Variants in SDSL observed in about 807,000 individuals in gnomAD.
SDSL encodes serine dehydratase-like.
A neutral mutation model predicts 27.6 loss-of-function variants in SDSL; 26 were observed. That is an observed-to-expected ratio of 0.94 (90% confidence interval 0.69 to 1.31). The LOEUF (loss-of-function observed/expected upper bound fraction) is 1.31, where lower values mean the gene tolerates loss of function less well. SDSL is among the 50% of genes most tolerant of loss of function. The pLI is 0.00. For missense variants in SDSL, 431 were observed against 423.5 expected, an observed-to-expected ratio of 1.02 and a Z score of -0.16; for synonymous variants, 196 against 180.6, an observed-to-expected ratio of 1.09 and a Z score of -0.69.
Position 113,435,540 on chromosome 12 carries a change from C to G in SDSL, c.655C>G (p.Leu219Val). The G allele has an allele frequency of 6.2e-7, 1 of 1,613,398 alleles. No individual in the cohort carries two copies. Among genetic ancestry groups the G allele is most frequent in the Non-Finnish European group, 8.5e-7 (1 of 1,179,566 alleles). Residue 219 changes from leucine (L) to valine (V), a missense_variant, in exon 6 of 8, where the codon CTT (leucine) becomes GTT (valine). Coordinates refer to ENST00000403593, the MANE Select transcript of SDSL (RefSeq NM_001304993.2). ...AAITAGKLVT[L>V]PDITSVAKSL... ...CATCACAGCCGGCAAGCTGGTCACA[C>G]TTCCAGACATCACCAGGTGGGTAAG...
At chr12:113,427,500 A>C (rs1382707290) in intron 1 of SDSL, among the ~76,000 whole-genome samples, 1 of 152,202 alleles carries the variant, frequency 6.6e-6, no homozygotes, top group Non-Finnish European at 1.5e-5. Flanking sequence ...CTCCTGAGAG[A>C]TGTCTTTCAT....
chr12:113,430,303 A>C (rs565043121), intron 4 of SDSL, among the ~76,000 whole-genome samples: 1 of 152,370 alleles, frequency 6.6e-6, no homozygotes, highest in Non-Finnish European at 1.5e-5. Context: ...ACAAAGTGTG[A>C]AAAGTGTTGC....
intron 1 of SDSL, 31 bp from the exon 2 acceptor site, chr12:113,427,931 G>C (rs1457996995): frequency 1.3e-6 from 2 of 1,563,992 alleles, no homozygotes; most frequent in Non-Finnish European, 1.7e-6. Context: ...GATGGGGACT[G>C]CCTGGGTGGT....
chr12:113,436,674 G>A (rs1957998640), intron 6 of SDSL, 77 bp from the exon 7 acceptor site: 5 of 1,409,652 alleles, frequency 3.5e-6, no homozygotes, highest in Non-Finnish European at 4.7e-6. Flanking sequence ...GGGGTGGCTG[G>A]GGCTGGGGAG....
intron 4 of SDSL, 43 bp downstream of exon 4, chr12:113,429,342 C>T (rs1957891394): frequency 6.4e-7 from 1 of 1,573,578 alleles, no homozygotes; most frequent in African/African-American, 1.3e-5. Flanking sequence ...GTGGGCTGCT[C>T]TCCTTCACCT....
At position 113,435,477 on chromosome 12, in the gene SDSL, G is replaced by A; in HGVS notation, c.592G>A (p.Ala198Thr). The A allele has an allele frequency of 9.3e-6, 15 of 1,614,178 alleles. No individual in the cohort carries two copies. The highest frequency in any genetic ancestry group is 1.3e-5 in the Non-Finnish European group (15 of 1,180,028). Residue 198 changes from alanine to threonine, a missense_variant, in exon 6 of 8, where the codon GCC becomes ACC. Physicochemically the swap from Ala to Thr is moderately conservative, Grantham distance 58 (BLOSUM62 0). Transcript: ENST00000403593. ...GGGCTGGCAGCATGTACCCATCATT[G>A]CCATGGAGACCCATGGGGCACACTG... ...EVGWQHVPIIAMETHGAHCFN... is the reference protein window; with the variant it reads ...EVGWQHVPIITMETHGAHCFN...
At chr12:113,431,780 C>A (rs930879132) in intron 4 of SDSL, among the ~76,000 whole-genome samples, 2 of 151,118 alleles carry the variant, frequency 1.3e-5, no homozygotes, top group Admixed American at 1.3e-4. Flanking sequence ...GCTCTGTTGC[C>A]CAGGCTGGAG....
chr12:113,423,692 T>A (rs1269209087), intron 1 of SDSL, among the ~76,000 whole-genome samples: 2 of 152,136 alleles, frequency 1.3e-5, no homozygotes, highest in South Asian at 4.1e-4. Flanking sequence ...CAGTGAGCCA[T>A]GATCGTGCCA....
At chr12:113,431,727 C>T (rs1323510451) in intron 4 of SDSL, among the ~76,000 whole-genome samples, 1 of 150,312 alleles carries the variant, frequency 6.7e-6, no homozygotes, top group Non-Finnish European at 1.5e-5. Context: ...GCACCCACCA[C>T]CACACCCAGC....
chr12:113,435,858 T>C (rs1196525239), intron 6 of SDSL, among the ~76,000 whole-genome samples: 3 of 152,222 alleles, frequency 2.0e-5, no homozygotes, highest in Non-Finnish European at 4.4e-5. Flanking sequence ...GGCTCATGCT[T>C]GTAATCCCAG....
chr12:113,426,262 C>T (rs537790878), intron 1 of SDSL: 21 of 455,946 alleles, frequency 4.6e-5, no homozygotes, highest in African/African-American at 3.4e-4. Context: ...GGCTCTCTTC[C>T]TGTCATCCAT....
rs559887672 is a variant in SDSL, at chr12:113,437,797, C to G, written c.797-89C>G. The stretch of plus-strand genomic sequence containing the variant: ...AATGGCTGACTGGCTGGAGAGATGG[C>G]TGCAAGGATCTGCCGTGCCCAGGGC... On this transcript the variant is annotated intron_variant, in intron 7 of 7. Transcript: ENST00000403593. 80 of 1,173,424 alleles carry G rather than the reference C, an allele frequency of 6.8e-5. No homozygotes were observed. The East Asian group carries it at 1.8e-3, about 27-fold the overall frequency. 72.7% of individuals were successfully genotyped at this position (1,173,424 alleles called of 1,614,324 possible). A position where few individuals can be genotyped will look rare whatever the true frequency, so the allele number is the denominator to read the frequency against.
chr12:113,434,121 G>C lies in SDSL; in HGVS notation c.355-13G>C. On this transcript the variant is annotated splice_polypyrimidine_tract_variant and intron_variant, in intron 4 of 7. Coordinates refer to ENST00000403593, the MANE Select transcript of SDSL (RefSeq NM_001304993.2). ...ACTCCCGGCTGTTCTGAGGGCCCTT[G>C]GTTTCTCTGTAGGTCTGGGACGAGG... 1 of 1,611,190 alleles carries C rather than the reference G, an allele frequency of 6.2e-7. No individual in the cohort carries two copies. Among genetic ancestry groups the C allele is most frequent in the Non-Finnish European group, 8.5e-7 (1 of 1,178,326 alleles).
Position 113,436,782 on chromosome 12 carries a change from G to A in SDSL, c.703G>A (p.Ala235Thr). 1.1e-5 allele frequency: 17 copies of A among 1,610,652 alleles called. No individual in the cohort carries two copies. The highest frequency in any genetic ancestry group is 1.3e-5 in the Non-Finnish European group (15 of 1,179,430). ...VAKSLGAKTV[A>T]ARALECMQVC... ...CAAGAGCCTGGGTGCCAAGACGGTGGCCGCTCGGGCCCTGGAGTGCATGCA... is the reference window on the plus strand; with the variant it reads ...CAAGAGCCTGGGTGCCAAGACGGTGACCGCTCGGGCCCTGGAGTGCATGCA... The change falls in exon 7 of 8, where the codon GCC becomes ACC. Residue 235 changes from alanine (A) to threonine (T), a missense_variant. Coordinates refer to ENST00000403593, the MANE Select transcript of SDSL (RefSeq NM_001304993.2).
At chr12:113,422,848 C>T (rs760154739) in intron 1 of SDSL, 5 of 152,330 alleles carry the variant, frequency 3.3e-5, no homozygotes, top group African/African-American at 4.8e-5. Context: ...GTGAGGTGGA[C>T]AGCACTGGTG....
At chr12:113,428,704 TG>T (rs1957881653) in intron 3 of SDSL, among the ~76,000 whole-genome samples, 1 of 152,154 alleles carries the variant, frequency 6.6e-6, no homozygotes, top group African/African-American at 2.4e-5. Flanking sequence ...GGAAAATTCT[TG>T]GGATAAGTGG....
intron 4 of SDSL, among the ~76,000 whole-genome samples, chr12:113,429,697 C>G (rs1324338742): frequency 6.6e-6 from 1 of 152,062 alleles, no homozygotes; most frequent in Non-Finnish European, 1.5e-5. Flanking sequence ...AAATGGTATC[C>G]ACTGAGAAAG....
intron 1 of SDSL, among the ~76,000 whole-genome samples, chr12:113,424,547 TG>T (rs2136947436): frequency 6.6e-6 from 1 of 152,340 alleles, no homozygotes; most frequent in Admixed American, 6.5e-5. Flanking sequence ...TTGTCCACAG[TG>T]GTATCCCCTG....
chr12:113,437,758 C>G lies in SDSL; in HGVS notation c.797-128C>G, dbSNP rs1392738291. On this transcript the variant is annotated intron_variant, in intron 7 of 7. Transcript: ENST00000403593. Reference sequence around the variant, plus strand: ...GAGCGTGAGACAAGTGATGGATTGCCAGCAGAGCAGATGAATGGCTGACTG... The same window carrying G: ...GAGCGTGAGACAAGTGATGGATTGCGAGCAGAGCAGATGAATGGCTGACTG... 3 of 827,206 alleles carry G rather than the reference C, an allele frequency of 3.6e-6. No homozygotes were observed. The East Asian group carries it at 7.7e-5, about 21-fold the overall frequency. 51.2% of individuals were successfully genotyped at this position (827,206 alleles called of 1,614,324 possible).
Sources: gnomAD v4.1 joint callset for allele counts (sites outside exome capture counted in the v4.1 genomes callset) on GRCh38, gnomAD v4.1.1 for gene constraint, MANE v1.5 for transcripts, NCBI Gene and HGNC (gene_info 2026-07-23, HGNC 2026-07-21) for gene names.